LINC00237: variants seen among roughly 807,000 people sequenced by gnomAD.
The protein encoded by LINC00237 is long intergenic non-protein coding RNA 237.
chr20:21,086,681 C>G (rs111212273), intron 3 of LINC00237, among the ~76,000 whole-genome samples: 2 of 5,152 alleles, frequency 3.9e-4, no homozygotes, highest in South Asian at 0.014. Context: ...ATATAGTATA[C>G]TACATATACA....
At chr20:21,102,346 T>A (rs969520306) in intron 1 of LINC00237, among the ~76,000 whole-genome samples, 1 of 152,120 alleles carries the variant, frequency 6.6e-6, no homozygotes. Flanking sequence ...TCTCGACGTG[T>A]CTGGAACCTT....
intron 1 of LINC00237, among the ~76,000 whole-genome samples, chr20:21,103,754 A>G (rs537547591): frequency 3.7e-4 from 57 of 152,238 alleles, no homozygotes; most frequent in Non-Finnish European, 7.4e-4. Flanking sequence ...AGACAGGAAA[A>G]GGTAGCACCG....
At chr20:21,086,666 ACTATATATAG>A (rs2030705103) in intron 3 of LINC00237, among the ~76,000 whole-genome samples, 2 of 125,600 alleles carry the variant, frequency 1.6e-5, no homozygotes, top group African/African-American at 5.9e-5. Context: ...TGTATAGTAT[ACTATATATAG>A]TATACTACAT....
chr20:21,092,679 T>C (rs192563510), intron 2 of LINC00237: 2 of 152,368 alleles, frequency 1.3e-5, no homozygotes, highest in East Asian at 3.9e-4. Context: ...TCTGGATTTC[T>C]TCCCGATCTT....
chr20:21,104,750 C>A (rs1302131954), intron 1 of LINC00237, among the ~76,000 whole-genome samples: 1 of 152,216 alleles, frequency 6.6e-6, no homozygotes, highest in African/African-American at 2.4e-5. Context: ...CTCCTAGAAC[C>A]AATTTGTGGC....
At chr20:21,102,331 C>T (rs1247374686) in intron 1 of LINC00237, among the ~76,000 whole-genome samples, 1 of 152,198 alleles carries the variant, frequency 6.6e-6, no homozygotes, top group African/African-American at 2.4e-5. Flanking sequence ...ATTTAAGTTT[C>T]CCACTCTCGA....
At chr20:21,104,836 C>A (rs1303055082) in intron 1 of LINC00237, among the ~76,000 whole-genome samples, 4 of 152,194 alleles carry the variant, frequency 2.6e-5, no homozygotes, top group South Asian at 2.1e-4. Context: ...CACAGACAGA[C>A]ACACAGACAC....
Position 21,096,936 on chromosome 20 carries a change from C to A in LINC00237, n.89-3084G>T, listed in dbSNP as rs76162864. Among the ~76,000 whole-genome samples, 1,495 of 152,314 alleles carry A rather than the reference C, an allele frequency of 9.8e-3. 23 individuals carry two copies. The highest frequency in any genetic ancestry group is 0.034 in the African/African-American group (1,422 of 41,568). ...TTAGATGCACCTGTTACTTTACTGA[C>A]AAACACCAAAACAATGTCTTAGAAA... On this transcript the variant is annotated intron_variant and non_coding_transcript_variant, in intron 1 of 3. Transcript: ENST00000691244.
chr20:21,094,825 C>T (rs574991252), intron 1 of LINC00237, among the ~76,000 whole-genome samples: 5 of 152,240 alleles, frequency 3.3e-5, no homozygotes, highest in South Asian at 2.1e-4. Flanking sequence ...CAAGGTGGGC[C>T]GATCACTTGA....
chr20:21,096,585 A>G (rs1312621218), intron 1 of LINC00237, among the ~76,000 whole-genome samples: 1 of 152,208 alleles, frequency 6.6e-6, no homozygotes, highest in Non-Finnish European at 1.5e-5. Flanking sequence ...GTTTGTTGCC[A>G]AAGTGCCTAT....
intron 1 of LINC00237, chr20:21,106,236 A>C (rs1412439780): frequency 1.3e-5 from 2 of 152,820 alleles, no homozygotes; most frequent in African/African-American, 4.8e-5. Flanking sequence ...CGCCACCCCC[A>C]GTCCCGCCGT....
At chr20:21,099,523 T>C (rs1312276341) in intron 1 of LINC00237, among the ~76,000 whole-genome samples, 1 of 151,992 alleles carries the variant, frequency 6.6e-6, no homozygotes, top group Non-Finnish European at 1.5e-5. Context: ...CCTATCCCCA[T>C]CCAGCCCCTC....
chr20:21,098,387 A>C (rs2030887305), intron 1 of LINC00237, among the ~76,000 whole-genome samples: 1 of 152,240 alleles, frequency 6.6e-6, no homozygotes, highest in African/African-American at 2.4e-5. Context: ...ATGAAATGCA[A>C]GAAGAAAATG....
chr20:21,085,966 G>T (rs1371011196), intron 3 of LINC00237, among the ~76,000 whole-genome samples: 2 of 152,164 alleles, frequency 1.3e-5, no homozygotes, highest in African/African-American at 4.8e-5. Flanking sequence ...TAACCCTCAA[G>T]ACCCACAGGG....
intron 2 of LINC00237, chr20:21,090,251 G>A (rs534094331): frequency 6.6e-6 from 1 of 152,328 alleles, no homozygotes; most frequent in Non-Finnish European, 1.5e-5. Flanking sequence ...TTTGTGAACA[G>A]GAAGGCCAGT....
chr20:21,099,798 C>T (rs2030907100), intron 1 of LINC00237, among the ~76,000 whole-genome samples: 1 of 152,174 alleles, frequency 6.6e-6, no homozygotes, highest in African/African-American at 2.4e-5. Flanking sequence ...CTCCGGGAGA[C>T]ACTGCCAAAA....
intron 1 of LINC00237, among the ~76,000 whole-genome samples, chr20:21,095,412 T>A (rs943318924): frequency 1.6e-4 from 24 of 152,062 alleles, no homozygotes; most frequent in African/African-American, 4.6e-4. Context: ...TGAAAAAAAA[T>A]AAACTGTTGT....
chr20:21,091,465 A>G (rs2030791754), intron 2 of LINC00237, among the ~76,000 whole-genome samples: 1 of 152,192 alleles, frequency 6.6e-6, no homozygotes, highest in Admixed American at 6.5e-5. Flanking sequence ...CCCATCCCTG[A>G]AAAGTGGAGC....
At chr20:21,097,268 A>T (rs2030871101) in intron 1 of LINC00237, among the ~76,000 whole-genome samples, 1 of 152,180 alleles carries the variant, frequency 6.6e-6, no homozygotes. Context: ...ATGAAAGGTG[A>T]CAGGTTTATC....
Sources: allele counts gnomAD v4.1 joint callset (sites outside exome capture counted in the v4.1 genomes callset), GRCh38; gene constraint gnomAD v4.1.1; transcripts MANE v1.5; gene names NCBI Gene and HGNC (gene_info 2026-07-23, HGNC 2026-07-21).